CDH12: variants seen among roughly 807,000 people sequenced by gnomAD.
CDH12 encodes the protein cadherin 12, also known as cadherin-12.
CDH12 carries 41 observed loss-of-function variants against 74.1 expected under a neutral mutation model. The observed-to-expected ratio is 0.55, with a 90% CI of 0.43 to 0.72. The LOEUF (loss-of-function observed/expected upper bound fraction) is 0.72, where lower values mean the gene tolerates loss of function less well. CDH12 is among the 30% of genes least tolerant of loss of function. The pLI is 0.00. For missense variants in CDH12, 945 were observed against 977.2 expected, an observed-to-expected ratio of 0.97 and a Z score of 0.44; for synonymous variants, 399 against 355.0, an observed-to-expected ratio of 1.12 and a Z score of -1.39.
chr5:21,883,899 G>A (rs1290522535), intron 6 of CDH12: 2 of 1,608,196 alleles, frequency 1.2e-6, no homozygotes, highest in Non-Finnish European at 1.7e-6. Context: ...AGGAGGCATT[G>A]TTTTGGGAGG....
chr5:21,824,533 A>G (rs1055261612), intron 8 of CDH12, among the ~76,000 whole-genome samples: 1 of 152,108 alleles, frequency 6.6e-6, no homozygotes, highest in Non-Finnish European at 1.5e-5. Context: ...ATTTCTTGCC[A>G]TTCCTTTTGT....
chr5:21,856,582 G>C (rs940172038), intron 6 of CDH12, among the ~76,000 whole-genome samples: 1 of 151,664 alleles, frequency 6.6e-6, no homozygotes, highest in Non-Finnish European at 1.5e-5. Flanking sequence ...GGAAAATAAA[G>C]ATGAACACGT....
At chr5:22,335,646 C>T (rs1739549584) in intron 3 of CDH12, among the ~76,000 whole-genome samples, 3 of 151,618 alleles carry the variant, frequency 2.0e-5, no homozygotes, top group Non-Finnish European at 2.9e-5. Context: ...TCTCTTTTTG[C>T]CTGCTGCTAT....
intron 1 of CDH12, among the ~76,000 whole-genome samples, chr5:22,808,256 A>G (rs1453717486): frequency 2.6e-5 from 4 of 152,218 alleles, no homozygotes; most frequent in Non-Finnish European, 5.9e-5. Context: ...TTAATACTCT[A>G]ATGATCACAA....
intron 1 of CDH12, among the ~76,000 whole-genome samples, chr5:22,698,522 A>C (rs1742504356): frequency 6.6e-6 from 1 of 151,254 alleles, no homozygotes. Flanking sequence ...TACTTAGGGA[A>C]GTTTATATGG....
intron 6 of CDH12, among the ~76,000 whole-genome samples, chr5:21,955,260 T>A (rs1250815010): frequency 1.3e-5 from 2 of 151,958 alleles, no homozygotes; most frequent in African/African-American, 4.8e-5. Context: ...TTGGTCTTAA[T>A]CAAATGTCAA....
At chr5:22,240,071 G>A (rs1313005259) in intron 3 of CDH12, among the ~76,000 whole-genome samples, 1 of 152,054 alleles carries the variant, frequency 6.6e-6, no homozygotes, top group Non-Finnish European at 1.5e-5. Context: ...ATAGTTATAT[G>A]TGCATTTCAA....
chr5:22,826,325 C>T (rs950560723), intron 1 of CDH12, among the ~76,000 whole-genome samples: 1 of 152,084 alleles, frequency 6.6e-6, no homozygotes, highest in Non-Finnish European at 1.5e-5. Context: ...TTTTGAGCCA[C>T]GTGGAAATGT....
chr5:22,500,110 T>C (rs1232831036), intron 2 of CDH12, among the ~76,000 whole-genome samples: 2 of 152,170 alleles, frequency 1.3e-5, no homozygotes, highest in Non-Finnish European at 2.9e-5. Flanking sequence ...AAAAGAATAC[T>C]GGGGAAATTA....
intron 3 of CDH12, among the ~76,000 whole-genome samples, chr5:22,387,642 A>G (rs1017530324): frequency 6.6e-6 from 1 of 152,166 alleles, no homozygotes; most frequent in African/African-American, 2.4e-5. Context: ...CCTGCCTCAG[A>G]ATAGCACTGG....
intron 1 of CDH12, among the ~76,000 whole-genome samples, chr5:22,710,914 G>C (rs1743253395): frequency 6.6e-6 from 1 of 151,942 alleles, no homozygotes; most frequent in African/African-American, 2.4e-5. Context: ...GGAAGTTATT[G>C]GCACAATTAT....
At chr5:21,945,480 G>A (rs184701637) in intron 6 of CDH12, among the ~76,000 whole-genome samples, 2,933 of 120,936 alleles carry the variant, frequency 0.024, 42 homozygotes, top group Middle Eastern at 0.068. Flanking sequence ...TATCTAACAA[G>A]GATTTTAAAG....
chr5:22,382,801 G>C (rs1274515048), intron 3 of CDH12, among the ~76,000 whole-genome samples: 1 of 148,914 alleles, frequency 6.7e-6, no homozygotes, highest in African/African-American at 2.4e-5. Flanking sequence ...ATCGACCTTG[G>C]ACTAAATTTC....
intron 5 of CDH12, among the ~76,000 whole-genome samples, chr5:22,023,520 GTATATA>G (rs908436155): frequency 4.0e-5 from 6 of 151,016 alleles, no homozygotes; most frequent in Admixed American, 1.3e-4. Context: ...GTGTGTGTGT[GTATATA>G]TATATAATTC....
chr5:22,102,356 C>CA (rs200446522), intron 4 of CDH12, among the ~76,000 whole-genome samples: 1,666 of 152,156 alleles, frequency 0.011, 20 homozygotes, highest in African/African-American at 0.029. Context: ...ATGTGTCCTC[C>CA]AAAAAGCATT....
chr5:22,589,970 G>A (rs370513066), intron 1 of CDH12, among the ~76,000 whole-genome samples: 50 of 152,068 alleles, frequency 3.3e-4, no homozygotes, highest in East Asian at 2.9e-3. Flanking sequence ...TTTACCATAC[G>A]CTTCATTATT....
chr5:22,653,428 G>A (rs1032585303), intron 1 of CDH12, among the ~76,000 whole-genome samples: 7 of 151,486 alleles, frequency 4.6e-5, no homozygotes, highest in Admixed American at 1.3e-4. Context: ...CGGAGCCATC[G>A]TTTGTGTACT....
intron 1 of CDH12, among the ~76,000 whole-genome samples, chr5:22,524,861 G>A (rs1004685727): frequency 6.6e-6 from 1 of 151,218 alleles, no homozygotes; most frequent in Non-Finnish European, 1.5e-5. Context: ...TGCACAACAT[G>A]CAGGTTTGTT....
intron 1 of CDH12, among the ~76,000 whole-genome samples, chr5:22,584,876 A>G (rs1740299909): frequency 6.6e-6 from 1 of 151,994 alleles, no homozygotes; most frequent in African/African-American, 2.4e-5. Flanking sequence ...ATTACCTTGA[A>G]CTCTTTAACA....
Sources: gnomAD v4.1 joint callset for allele counts (sites outside exome capture counted in the v4.1 genomes callset) on GRCh38, gnomAD v4.1.1 for gene constraint, MANE v1.5 for transcripts, NCBI Gene and HGNC (gene_info 2026-07-23, HGNC 2026-07-21) for gene names.